The following MGST2 variants were observed in gnomAD, a reference collection of about 807,000 sequenced individuals.
MGST2 encodes microsomal glutathione S-transferase 2, also known as glutathione peroxidase MGST2.
Under a neutral mutation model 16.6 loss-of-function variants are expected in MGST2, and 9 were observed. The ratio of observed to expected loss-of-function variants is 0.54; its 90% confidence interval spans 0.33 to 0.95. The LOEUF is 0.95. MGST2 is among the 40% of genes least tolerant of loss of function. MGST2 has a pLI of 0.03. For missense variants in MGST2, 159 were observed against 175.1 expected (o/e 0.91, Z 0.52); for synonymous variants, 79 against 68.0 (o/e 1.16, Z -0.79).
At chr4:139,666,201 T>G in intron 1 of MGST2, 124 bp downstream of exon 1, 2 of 1,010,704 alleles carry the variant, frequency 2.0e-6, no homozygotes, top group South Asian at 2.7e-5. Context: ...TACTTGCCCT[T>G]GCAGGTAGCT....
In MGST2 at chr4:139,665,859, C is replaced by T. The variant is rs915584023; in HGVS notation, c.-161C>T. 2 of 731,958 alleles carry T rather than the reference C, an allele frequency of 2.7e-6. No individual in the cohort carries two copies. Among genetic ancestry groups the T allele is most frequent in the Non-Finnish European group, 4.9e-6 (2 of 410,918 alleles). The allele number at this position is 731,958 out of a possible 1,614,324, so 45.3% of individuals were successfully genotyped here. On this transcript the variant is annotated 5_prime_UTR_variant, in exon 1 of 5. Transcript: ENST00000265498. ...CGGCAGCCCCAGACCTGCCTGCCTTCCTGACTTCTGTTCCAGAGCAAAGGT... is the reference window on the plus strand; with the variant it reads ...CGGCAGCCCCAGACCTGCCTGCCTTTCTGACTTCTGTTCCAGAGCAAAGGT...
chr4:139,745,289 C>A (rs1729285647), downstream of MGST2, among the ~76,000 whole-genome samples: 1 of 73,952 alleles, frequency 1.4e-5, no homozygotes, highest in Non-Finnish European at 3.5e-5. Flanking sequence ...GACCACCGTC[C>A]ATCAGGAGCC....
chr4:139,717,030 A>T (rs1727999775), intron 5 of MGST2: 1 of 152,556 alleles, frequency 6.6e-6, no homozygotes, highest in Non-Finnish European at 1.5e-5. Context: ...TCTATTTTAA[A>T]CAAACAGTAT....
chr4:139,708,070 G>A (rs938498538), downstream of MGST2, among the ~76,000 whole-genome samples: 2 of 152,070 alleles, frequency 1.3e-5, no homozygotes, highest in Non-Finnish European at 1.5e-5. Flanking sequence ...ATTAGATCCC[G>A]TTTGTCCATT....
At chr4:139,721,146 ATT>A (rs748447912) in intron 5 of MGST2, among the ~76,000 whole-genome samples, 3 of 152,238 alleles carry the variant, frequency 2.0e-5, no homozygotes, top group Non-Finnish European at 2.9e-5. Context: ...GGCAACGACT[ATT>A]TCTCTCAGCA....
chr4:139,720,388 G>T, intron 5 of MGST2: 1 of 1,414,362 alleles, frequency 7.1e-7, no homozygotes, highest in Non-Finnish European at 9.3e-7. Context: ...GCAACAAGAT[G>T]TTGGAATTTT....
intron 2 of MGST2, among the ~76,000 whole-genome samples, chr4:139,694,390 C>T (rs555394814): frequency 3.3e-5 from 5 of 151,760 alleles, no homozygotes; most frequent in Non-Finnish European, 7.4e-5. Context: ...CTACTCAAGA[C>T]CTCATCACAC....
At chr4:139,742,614 G>T (rs1157992626), downstream of MGST2, among the ~76,000 whole-genome samples, 7 of 152,168 alleles carry the variant, frequency 4.6e-5, no homozygotes, top group Non-Finnish European at 1.0e-4. Flanking sequence ...CTCAGATTTT[G>T]TTGGTTCTTA....
intron 5 of MGST2, among the ~76,000 whole-genome samples, chr4:139,738,281 C>T (rs540485730): frequency 7.9e-5 from 12 of 152,342 alleles, no homozygotes; most frequent in East Asian, 1.9e-4. Flanking sequence ...TGGTGGCTCA[C>T]GCCTGTAATC....
intron 1 of MGST2, among the ~76,000 whole-genome samples, chr4:139,666,281 C>T (rs983308136): frequency 6.6e-6 from 1 of 151,990 alleles, no homozygotes; most frequent in African/African-American, 2.4e-5. Flanking sequence ...CAGGGGCAAG[C>T]AGAGACTGAG....
the MGST2 span, among the ~76,000 whole-genome samples, chr4:139,745,898 T>C: frequency 1.3e-5 from 2 of 152,216 alleles, no homozygotes; most frequent in African/African-American, 4.8e-5. Flanking sequence ...TAACAGGAAA[T>C]GTGACCACAA....
chr4:139,720,234 T>A, intron 5 of MGST2: 1 of 1,610,828 alleles, frequency 6.2e-7, no homozygotes, highest in Non-Finnish European at 8.5e-7. Flanking sequence ...CCTATTCCCA[T>A]CATGCCTGCG....
intron 5 of MGST2, chr4:139,717,944 ACTTTGCC>A (rs1728058152): frequency 6.6e-6 from 1 of 152,224 alleles, no homozygotes; most frequent in South Asian, 2.1e-4. Context: ...GAAGAGGACT[ACTTTGCC>A]CATATGAAAT....
At chr4:139,744,709 G>A (rs1729267381), downstream of MGST2, among the ~76,000 whole-genome samples, 1 of 152,188 alleles carries the variant, frequency 6.6e-6, no homozygotes, top group South Asian at 2.1e-4. Context: ...TGCAGCCACG[G>A]CCCCTGTCCT....
rs1159205316 is a variant in MGST2, at chr4:139,704,067, A to T, written c.363A>T (p.Leu121=). 6.2e-7 allele frequency: 1 copy of T among 1,614,098 alleles called. No individual in the cohort carries two copies. The highest frequency in any genetic ancestry group is 1.7e-5 in the Admixed American group (1 of 60,010). ...SLGILALLTL[L]GALGIANSFL... is the part of the protein sequence containing the mutation. ...GGATTTTGGCCTTGTTGACCCTCCT[A>T]GGTGCCCTGGGAATTGCAAACAGCT... The change falls in exon 5 of 5, where the codon CTA becomes CTT. Residue 121 remains leucine, a synonymous_variant. Transcript: ENST00000265498.
chr4:139,707,849 G>A (rs1163625796), downstream of MGST2, among the ~76,000 whole-genome samples: 56 of 152,146 alleles, frequency 3.7e-4, 1 homozygote, highest in East Asian at 7.7e-4. Context: ...CTGCATAAAT[G>A]TCTTCTTTTG....
chr4:139,745,006 T>G (rs530812903), downstream of MGST2, among the ~76,000 whole-genome samples: 3 of 152,358 alleles, frequency 2.0e-5, no homozygotes, highest in East Asian at 5.8e-4. Context: ...AGGAAGCCAG[T>G]CCAGGTAATC....
chr4:139,728,394 C>T (rs1728564089), intron 5 of MGST2, among the ~76,000 whole-genome samples: 1 of 152,202 alleles, frequency 6.6e-6, no homozygotes, highest in African/African-American at 2.4e-5. Context: ...GACAGGCCCC[C>T]ACATACATGT....
chr4:139,728,734 C>T (rs1728578933), intron 5 of MGST2, among the ~76,000 whole-genome samples: 1 of 152,186 alleles, frequency 6.6e-6, no homozygotes, highest in African/African-American at 2.4e-5. Context: ...CCCCTGACCT[C>T]TCACCTCCTT....
Sources: gnomAD v4.1 joint callset for allele counts (sites outside exome capture counted in the v4.1 genomes callset) on GRCh38, gnomAD v4.1.1 for gene constraint, MANE v1.5 for transcripts, NCBI Gene and HGNC (gene_info 2026-07-23, HGNC 2026-07-21) for gene names.